PPP1R21: variants seen among roughly 807,000 people sequenced by gnomAD.
PPP1R21 encodes the protein protein phosphatase 1 regulatory subunit 21.
Under a neutral mutation model 112.8 loss-of-function variants are expected in PPP1R21, and 85 were observed. The observed-to-expected ratio is 0.75, with a 90% confidence interval of 0.63 to 0.90. The LOEUF (loss-of-function observed/expected upper bound fraction) is 0.90. Among genes scored for constraint, PPP1R21 ranks in the 40% least tolerant of loss-of-function variants. The pLI is 0.00. For missense variants in PPP1R21, 1,199 were observed against 901.5 expected (o/e 1.33, Z -4.23); for synonymous variants, 381 against 322.3 (o/e 1.18, Z -1.95).
Position 48,511,354 on chromosome 2 carries a change from T to G in PPP1R21, c.2199T>G (p.Thr733=). 6.2e-7 allele frequency: 1 copy of G among 1,613,358 alleles called. No individual in the cohort carries two copies. Among genetic ancestry groups the G allele is most frequent in the Non-Finnish European group, 8.5e-7 (1 of 1,179,836 alleles). The change falls in exon 21 of 22, where the codon ACT becomes ACG. Residue 733 remains threonine, a synonymous_variant. Coordinates refer to ENST00000294952, the MANE Select transcript of PPP1R21 (RefSeq NM_001135629.3). ...TTGCTATTTAGGATGAGCTGACAAC[T>G]ACCAAGAGGAGTTACGAGGATCAGT... is the stretch of plus-strand genomic sequence containing the variant. The part of the protein sequence containing the change: ...NISRLQDELT[T]TKRSYEDQLS...
At chr2:48,507,107 C>T in intron 18 of PPP1R21, 162 bp from the exon 19 acceptor site, 1 of 1,003,334 alleles carries the variant, frequency 1.0e-6, no homozygotes, top group Non-Finnish European at 1.3e-6. Flanking sequence ...ATATACACTT[C>T]CCTGCTATGT....
chr2:48,491,539 CA>C (rs370080292), intron 15 of PPP1R21, among the ~76,000 whole-genome samples: 28,861 of 63,154 alleles, frequency 0.46, 3,156 homozygotes, highest in Non-Finnish European at 0.54. Flanking sequence ...GCAGTTGTTG[CA>C]AAAAAAAAGA....
intron 6 of PPP1R21, 68 bp downstream of exon 6, chr2:48,460,221 G>C: frequency 6.9e-7 from 1 of 1,458,604 alleles, no homozygotes; most frequent in Non-Finnish European, 9.6e-7. Context: ...TTTGGTTGTA[G>C]CAGCTCCTCT....
intron 1 of PPP1R21, 27 bp downstream of exon 1, chr2:48,441,037 G>T: frequency 1.3e-6 from 2 of 1,555,038 alleles, no homozygotes; most frequent in Non-Finnish European, 1.8e-6. Flanking sequence ...GGGAGTAGGG[G>T]GTCCCCCGCC....
rs553899480 is a variant in PPP1R21 at position 48,466,071 on chromosome 2, A to G, written c.897+429A>G. Among the ~76,000 whole-genome samples, 6 of 152,312 alleles carry G rather than the reference A, an allele frequency of 3.9e-5. No homozygotes were observed. In the South Asian group the frequency reaches 6.2e-4, roughly 16 times the overall value. On this transcript the variant is annotated intron_variant, in intron 9 of 21. Coordinates refer to ENST00000294952, the MANE Select transcript of PPP1R21 (RefSeq NM_001135629.3). The stretch of plus-strand genomic sequence containing the variant: ...TCAGATCTCGTGAGACCCATTCACT[A>G]TTGTGAGAACAGCACGGGAAAGACC...
intron 2 of PPP1R21, among the ~76,000 whole-genome samples, chr2:48,451,911 C>T (rs1415203094): frequency 2.0e-5 from 3 of 152,166 alleles, no homozygotes; most frequent in East Asian, 1.9e-4. Context: ...TGTCCTTTTA[C>T]GTAGTCAGTT....
intron 1 of PPP1R21, among the ~76,000 whole-genome samples, chr2:48,447,587 A>G (rs76953906): frequency 0.012 from 1,883 of 152,304 alleles, 13 homozygotes; most frequent in Middle Eastern, 0.027. Flanking sequence ...ACCTACATCT[A>G]AAACAAAAAC....
At chr2:48,484,922 G>A (rs1201112437) in intron 13 of PPP1R21, among the ~76,000 whole-genome samples, 2 of 152,182 alleles carry the variant, frequency 1.3e-5, no homozygotes, top group Admixed American at 6.5e-5. Context: ...AACCAAGATT[G>A]CTTACCAACC....
chr2:48,510,077 A>T lies in PPP1R21; in HGVS notation c.2148A>T (p.Glu716Asp). Residue 716 changes from glutamate (E) to aspartate (D), a missense_variant, in exon 20 of 22, where the codon GAA (glutamate) becomes GAT (aspartate). By Grantham distance (45) the Glu-to-Asp change is conservative. Transcript: ENST00000294952. Reference sequence around the variant, plus strand: ...AGTCTAAGGAAGCATTGACAGAAGAAATGAAACTTGCCAGTCAGAACATCA... The same window carrying T: ...AGTCTAAGGAAGCATTGACAGAAGATATGAAACTTGCCAGTCAGAACATCA... ...AEKSKEALTE[E>D]MKLASQNISR... The T allele has an allele frequency of 6.2e-7, 1 of 1,614,054 alleles. No individual in the cohort carries two copies. Among genetic ancestry groups the T allele is most frequent in the Non-Finnish European group, 8.5e-7 (1 of 1,179,924 alleles).
At chr2:48,489,917 C>G (rs1669482463) in intron 14 of PPP1R21, among the ~76,000 whole-genome samples, 1 of 152,042 alleles carries the variant, frequency 6.6e-6, no homozygotes. Context: ...TGGTGGTGCA[C>G]AACTGTAATC....
At chr2:48,471,772 C>T (rs1015535931) in intron 11 of PPP1R21, among the ~76,000 whole-genome samples, 3 of 152,064 alleles carry the variant, frequency 2.0e-5, no homozygotes, top group South Asian at 4.2e-4. Context: ...TTACAGAATA[C>T]GTCATTTAGT....
rs370271261 is a variant in PPP1R21, at chr2:48,498,668, C to T, written c.1868C>T (p.Ser623Leu). Residue 623 changes from serine (S) to leucine (L), a missense_variant, in exon 17 of 22, where the codon TCA becomes TTA. Transcript: ENST00000294952. ...VGLAQENAAV[S>L]NTAGQDEATA... is the part of the protein sequence containing the mutation. ...CTGGCCCAGGAAAATGCTGCTGTGT[C>T]AAATACTGCTGGCCAGGATGAAGCC... is the stretch of plus-strand genomic sequence containing the variant. The T allele has an allele frequency of 1.2e-6, 2 of 1,614,216 alleles. No homozygotes were observed. Among genetic ancestry groups the T allele is most frequent in the Non-Finnish European group, 8.5e-7 (1 of 1,180,030 alleles).
At chr2:48,469,675 C>A (rs1394953291) in intron 9 of PPP1R21, among the ~76,000 whole-genome samples, 8 of 150,708 alleles carry the variant, frequency 5.3e-5, no homozygotes, top group Non-Finnish European at 1.0e-4. Flanking sequence ...ATGTTATACC[C>A]ACATAGTGAG....
At chr2:48,499,860 T>TA (rs1048931783) in intron 17 of PPP1R21, among the ~76,000 whole-genome samples, 20 of 152,212 alleles carry the variant, frequency 1.3e-4, no homozygotes, top group African/African-American at 4.8e-4. Flanking sequence ...CTGTTCACTG[T>TA]AAAAAATTAG....
intron 21 of PPP1R21, 45 bp downstream of exon 21, chr2:48,511,513 A>G (rs1380779178): frequency 6.3e-7 from 1 of 1,592,372 alleles, no homozygotes; most frequent in South Asian, 1.1e-5. Context: ...TATAATATTT[A>G]ATGTGAGGTA....
At chr2:48,459,321 A>G (rs1667878156) in intron 4 of PPP1R21, among the ~76,000 whole-genome samples, 1 of 152,212 alleles carries the variant, frequency 6.6e-6, no homozygotes, top group African/African-American at 2.4e-5. Context: ...ACCTGTTTTA[A>G]GAATAACACC....
At chr2:48,443,032 G>A (rs11692537) in intron 1 of PPP1R21, among the ~76,000 whole-genome samples, 18,237 of 152,124 alleles carry the variant, frequency 0.12, 1,163 homozygotes, top group African/African-American at 0.16. Flanking sequence ...GTAATGTAGG[G>A]TTATATAAAG....
intron 14 of PPP1R21, among the ~76,000 whole-genome samples, chr2:48,489,525 A>G (rs1669460611): frequency 6.6e-6 from 1 of 151,134 alleles, no homozygotes; most frequent in African/African-American, 2.4e-5. Context: ...CAATTTTGAA[A>G]AGATGAGGTC....
intron 14 of PPP1R21, among the ~76,000 whole-genome samples, chr2:48,487,777 AAG>A (rs1309608479): frequency 2.3e-4 from 35 of 152,032 alleles, no homozygotes; most frequent in African/African-American, 8.2e-4. Context: ...AAAAAAAAAA[AAG>A]AATGTTTTGA....
Sources: gnomAD v4.1 joint callset for allele counts (sites outside exome capture counted in the v4.1 genomes callset) on GRCh38, gnomAD v4.1.1 for gene constraint, MANE v1.5 for transcripts, NCBI Gene and HGNC (gene_info 2026-07-23, HGNC 2026-07-21) for gene names.